FAT3: variants seen among roughly 807,000 people sequenced by gnomAD.
FAT3 encodes the protein protocadherin Fat 3.
Under a neutral mutation model 310.2 loss-of-function variants are expected in FAT3, and 95 were observed. That is an observed-to-expected ratio of 0.31 (90% CI 0.26 to 0.36). The LOEUF (loss-of-function observed/expected upper bound fraction) is 0.36. FAT3 is among the 10% of genes least tolerant of loss of function. FAT3 has a pLI of 1.00. For missense variants in FAT3, 5,408 were observed against 5,715.6 expected (o/e 0.95, Z 1.74); for synonymous variants, 2,314 against 2,192.9 (o/e 1.06, Z -1.54).
chr11:92,584,045 A>G (rs1938993957), intron 3 of FAT3, among the ~76,000 whole-genome samples: 2 of 152,066 alleles, frequency 1.3e-5, no homozygotes, highest in African/African-American at 2.4e-5. Context: ...CAAGTTTCAT[A>G]AACTCAACTC....
Position 92,355,474 on chromosome 11 carries a change from G to T in FAT3, c.3292+70G>T, listed in dbSNP as rs1948705621. 4 of 1,436,282 alleles carry T rather than the reference G, an allele frequency of 2.8e-6. No homozygotes were observed. In the Admixed American group the frequency reaches 6.2e-5, roughly 22 times the overall value. 89.0% of individuals were successfully genotyped at this position (1,436,282 alleles called of 1,614,324 possible). A position where few individuals can be genotyped will look rare whatever the true frequency, so the allele number is the denominator to read the frequency against. ...AAATGGTCAACAGTGGAAAAGTAAA[G>T]GGATGTTAGGACACTAAAATAGAAT... On this transcript the variant is annotated intron_variant, in intron 2 of 27. Coordinates refer to ENST00000525166, the MANE Select transcript of FAT3 (RefSeq NM_001367949.2).
At position 92,804,652 on chromosome 11, in the gene FAT3, G is replaced by A. The variant is rs115358185; in HGVS notation, c.8897-501G>A. 6.4e-3 allele frequency among the ~76,000 whole-genome samples: 977 copies of A among 152,126 alleles called. 8 individuals carry two copies. Among genetic ancestry groups the A allele is most frequent in the African/African-American group, 0.023 (935 of 41,496 alleles). ...TCCTCTGTCGTGAAAACTTTTCTCC[G>A]CCAAACTCCAGTTCTTATGAGAAGA... is the stretch of plus-strand genomic sequence containing the variant. On this transcript the variant is annotated intron_variant, in intron 10 of 27. Transcript: ENST00000525166.
intron 1 of FAT3, among the ~76,000 whole-genome samples, chr11:92,337,132 G>A (rs1948108025): frequency 6.6e-6 from 1 of 152,136 alleles, no homozygotes; most frequent in Non-Finnish European, 1.5e-5. Flanking sequence ...GCAATGATGT[G>A]TAAGATCTTG....
At chr11:92,571,956 T>C (rs1255490221) in intron 3 of FAT3, among the ~76,000 whole-genome samples, 1 of 152,212 alleles carries the variant, frequency 6.6e-6, no homozygotes, top group East Asian at 1.9e-4. Context: ...CACTGTCCCA[T>C]ATTTGGGGAT....
At chr11:92,746,810 A>G (rs1288422618) in intron 4 of FAT3, among the ~76,000 whole-genome samples, 1 of 152,184 alleles carries the variant, frequency 6.6e-6, no homozygotes, top group Non-Finnish European at 1.5e-5. Flanking sequence ...CCAAAATCCA[A>G]TAGGGTAGTC....
intron 2 of FAT3, among the ~76,000 whole-genome samples, chr11:92,467,518 A>G (rs190958392): frequency 6.6e-6 from 1 of 152,264 alleles, no homozygotes; most frequent in East Asian, 1.9e-4. Flanking sequence ...CCCACTTGTC[A>G]GTACTCAAAT....
chr11:92,826,633 G>A (rs1948113143), intron 13 of FAT3, among the ~76,000 whole-genome samples: 1 of 152,218 alleles, frequency 6.6e-6, no homozygotes, highest in African/African-American at 2.4e-5. Context: ...ATAAAAATTA[G>A]AGATTAGAAC....
intron 2 of FAT3, among the ~76,000 whole-genome samples, chr11:92,479,010 T>G (rs905244691): frequency 2.7e-5 from 4 of 146,464 alleles, no homozygotes; most frequent in South Asian, 2.2e-4. Context: ...TTGTTTTTTG[T>G]TTTTTTTTAG....
chr11:92,700,024 T>A (rs748547286), intron 4 of FAT3, among the ~76,000 whole-genome samples: 30 of 152,122 alleles, frequency 2.0e-4, no homozygotes, highest in Non-Finnish European at 2.4e-4. Flanking sequence ...CTGCCCTAAG[T>A]CCTGGGGACA....
intron 3 of FAT3, among the ~76,000 whole-genome samples, chr11:92,563,789 G>A (rs943239219): frequency 2.6e-5 from 4 of 152,046 alleles, no homozygotes; most frequent in Non-Finnish European, 4.4e-5. Context: ...GCCAAAATAA[G>A]CTTCATAAAT....
At position 92,352,811 on chromosome 11, in the gene FAT3, T is replaced by C; in HGVS notation, c.699T>C (p.Ala233=). 6.2e-7 allele frequency: 1 copy of C among 1,613,916 alleles called. No homozygotes were observed. Among genetic ancestry groups the C allele is most frequent in the Non-Finnish European group, 8.5e-7 (1 of 1,179,880 alleles). Residue 233 remains alanine (A), a synonymous_variant, in exon 2 of 28, where the codon GCT becomes GCC. Transcript: ENST00000525166. ...ATAGGTATGATCTGGAAATTTTGGC[T>C]GTGGACCGGGGAATGAAACTGTATG... ...EKNRYDLEIL[A]VDRGMKLYGN... is the part of the protein sequence containing the mutation.
At chr11:92,627,473 A>G (rs1319480748) in intron 3 of FAT3, among the ~76,000 whole-genome samples, 1 of 152,238 alleles carries the variant, frequency 6.6e-6, no homozygotes, top group Non-Finnish European at 1.5e-5. Context: ...TTAAACTTTT[A>G]TCATATAATA....
rs928401917 is a variant in FAT3 at position 92,801,751 on chromosome 11, G to C, written c.8738G>C (p.Arg2913Thr). The change falls in exon 10 of 28, where the codon AGA (arginine) becomes ACA (threonine). Residue 2913 changes from arginine to threonine, a missense_variant. Physicochemically the swap from Arg to Thr is moderately conservative, Grantham distance 71 (BLOSUM62 -1). This residue lies in a region of FAT3 where 4,588 missense variants were observed against 4,809.8 expected (regional missense o/e 0.95). Transcript: ENST00000525166. ...TCCTCCACGGCCTTGGTCTCTGTCA[G>C]AGTGACAGATATAAATGACAATGCA... ...SLSSTALVSVRVTDINDNAPV... is the reference protein window; with the variant it reads ...SLSSTALVSVTVTDINDNAPV... 1 of 1,613,946 alleles carries C rather than the reference G, an allele frequency of 6.2e-7. No homozygotes were observed.
chr11:92,474,767 G>A (rs529607779), intron 2 of FAT3, among the ~76,000 whole-genome samples: 1 of 152,150 alleles, frequency 6.6e-6, no homozygotes, highest in South Asian at 2.1e-4. Context: ...TTTGGATTTA[G>A]GTAATGCCAG....
chr11:92,719,923 A>G (rs1160138401), intron 4 of FAT3, among the ~76,000 whole-genome samples: 1 of 152,138 alleles, frequency 6.6e-6, no homozygotes, highest in Non-Finnish European at 1.5e-5. Flanking sequence ...GGGAAAAAGC[A>G]AGGAGTAATG....
At chr11:92,717,437 G>A (rs2135963410) in intron 4 of FAT3, among the ~76,000 whole-genome samples, 1 of 152,208 alleles carries the variant, frequency 6.6e-6, no homozygotes, top group African/African-American at 2.4e-5. Flanking sequence ...AGCTCTGTCA[G>A]GAAGCTCATC....
At chr11:92,871,981 T>C (rs1263607338) in intron 22 of FAT3, among the ~76,000 whole-genome samples, 2 of 151,336 alleles carry the variant, frequency 1.3e-5, no homozygotes. Flanking sequence ...AAAAAATTAG[T>C]ATAAAGGTGG....
chr11:92,326,817 T>C (rs1199174474), intron 1 of FAT3, among the ~76,000 whole-genome samples: 2 of 152,204 alleles, frequency 1.3e-5, no homozygotes, highest in Admixed American at 1.3e-4. Context: ...TCTCAAGACT[T>C]AGAAATAGGG....
intron 6 of FAT3, among the ~76,000 whole-genome samples, chr11:92,768,810 A>G (rs566585265): frequency 6.6e-6 from 1 of 152,036 alleles, no homozygotes; most frequent in African/African-American, 2.4e-5. Context: ...CTAGGTAAAT[A>G]CTCTATGACT....
Sources: allele counts gnomAD v4.1 joint callset (sites outside exome capture counted in the v4.1 genomes callset), GRCh38; gene constraint gnomAD v4.1.1; regional missense constraint gnomAD v4.1.1; transcripts MANE v1.5; gene names NCBI Gene and HGNC (gene_info 2026-07-23, HGNC 2026-07-21).